Variants in DHRS12 observed in about 807,000 individuals in gnomAD.
DHRS12 encodes the protein dehydrogenase/reductase 12, also known as dehydrogenase/reductase SDR family member 12.
DHRS12 carries 29 observed loss-of-function variants against 32.1 expected under a neutral mutation model. That is an observed-to-expected ratio of 0.90 (90% confidence interval 0.67 to 1.23). The LOEUF is 1.23. Ranked by LOEUF, DHRS12 falls within the 50% of genes most tolerant of loss-of-function variation. DHRS12 has a pLI of 0.00. For synonymous variants in DHRS12, 150 were observed against 135.9 expected, an observed-to-expected ratio of 1.10 and a Z score of -0.72; for missense variants, 330 against 337.2, an observed-to-expected ratio of 0.98 and a Z score of 0.17.
chr13:51,770,704 C>T (rs1953969065), intron 7 of DHRS12: 15 of 974,932 alleles, frequency 1.5e-5, no homozygotes, highest in Non-Finnish European at 1.7e-5. Context: ...CCATGAGATG[C>T]CACAAAGCAC....
At chr13:51,769,392 T>C (rs1317177956) in intron 7 of DHRS12, 99 bp from the exon 8 acceptor site, 1 of 1,001,822 alleles carries the variant, frequency 1.0e-6, no homozygotes, top group East Asian at 2.9e-5. Flanking sequence ...AAAAATGAAA[T>C]GGGATCATAA....
chr13:51,775,840 CTACAG>C (rs1341839194), intron 5 of DHRS12: 1 of 80,250 alleles, frequency 1.2e-5, no homozygotes, highest in African/African-American at 7.5e-5. Context: ...ATGTATTCTC[CTACAG>C]TATTCTCCTA....
At chr13:51,758,354 C>T in the DHRS12 span, 4 of 1,335,934 alleles carry the variant, frequency 3.0e-6, no homozygotes, top group Non-Finnish European at 3.2e-6. Flanking sequence ...TATAAATATA[C>T]AGGAGCACCA....
At chr13:51,783,030 G>A (rs546789861) in intron 4 of DHRS12, among the ~76,000 whole-genome samples, 69 of 152,180 alleles carry the variant, frequency 4.5e-4, no homozygotes, top group Middle Eastern at 3.4e-3. Context: ...GAGCGGCCCA[G>A]AGCGGGGTGC....
chr13:51,785,586 G>A (rs148332044), intron 4 of DHRS12, among the ~76,000 whole-genome samples: 1 of 152,190 alleles, frequency 6.6e-6, no homozygotes, highest in Non-Finnish European at 1.5e-5. Context: ...CTCTGCCATT[G>A]CCCTGAGAAT....
At chr13:51,768,990 C>A in intron 8 of DHRS12, 166 bp downstream of exon 8, 1 of 1,419,660 alleles carries the variant, frequency 7.0e-7, no homozygotes, top group South Asian at 1.5e-5. Flanking sequence ...AAGCGCTTCC[C>A]AAAACTAACC....
rs554386835 is a variant in DHRS12, at chr13:51,801,901, C to T, written c.-9+2153G>A. Among the ~76,000 whole-genome samples the T allele has an allele frequency of 5.9e-5, 9 of 152,280 alleles. No homozygotes were observed. In the South Asian group the frequency reaches 1.0e-3, roughly 18 times the overall value. Reference sequence around the variant, plus strand: ...GCTCCACACTGATCCGTATTAGAGACGAATGTTTGCTGAGGCTGGCTCCTC... The same window carrying T: ...GCTCCACACTGATCCGTATTAGAGATGAATGTTTGCTGAGGCTGGCTCCTC... On this transcript the variant is annotated intron_variant, in intron 1 of 8. Transcript: ENST00000444610.
chr13:51,797,100 C>G (rs763642727), intron 2 of DHRS12, among the ~76,000 whole-genome samples: 1 of 152,022 alleles, frequency 6.6e-6, no homozygotes, highest in Admixed American at 6.6e-5. Context: ...TGACAGTGAG[C>G]GAGCAGCCAT....
At chr13:51,773,404 C>T (rs1321700906) in intron 6 of DHRS12, among the ~76,000 whole-genome samples, 1 of 152,144 alleles carries the variant, frequency 6.6e-6, no homozygotes, top group Admixed American at 6.5e-5. Flanking sequence ...CTTGTGACAT[C>T]GTCAGCACTC....
chr13:51,759,391 C>T, the DHRS12 span, among the ~76,000 whole-genome samples: 1 of 152,160 alleles, frequency 6.6e-6, no homozygotes, highest in Non-Finnish European at 1.5e-5. Flanking sequence ...GTTGGCTCAT[C>T]GAATGCTGCC....
chr13:51,773,552 G>A (rs1343421675), intron 6 of DHRS12, among the ~76,000 whole-genome samples: 2 of 152,108 alleles, frequency 1.3e-5, no homozygotes, highest in Non-Finnish European at 2.9e-5. Flanking sequence ...AATTCAATGT[G>A]CCGCCCCTCC....
chr13:51,800,189 T>C (rs1464999421), intron 1 of DHRS12, among the ~76,000 whole-genome samples: 2 of 152,196 alleles, frequency 1.3e-5, no homozygotes, highest in South Asian at 2.1e-4. Context: ...ACACAAGGTG[T>C]GCACTGCACA....
At chr13:51,768,931 T>C in intron 8 of DHRS12, 4 of 1,397,556 alleles carry the variant, frequency 2.9e-6, no homozygotes, top group Non-Finnish European at 3.7e-6. Flanking sequence ...CACAGGACCT[T>C]GATGACAGGG....
chr13:51,776,283 C>A (rs1049477846), intron 5 of DHRS12: 10 of 152,184 alleles, frequency 6.6e-5, no homozygotes, highest in African/African-American at 2.2e-4. Flanking sequence ...GGAGCTGCGT[C>A]CCCTCTGCCG....
chr13:51,780,195 A>G (rs1954636827), intron 4 of DHRS12, among the ~76,000 whole-genome samples: 1 of 151,980 alleles, frequency 6.6e-6, no homozygotes, highest in Non-Finnish European at 1.5e-5. Flanking sequence ...ATAAATAAAT[A>G]AATAAATAAA....
intron 2 of DHRS12, among the ~76,000 whole-genome samples, chr13:51,793,780 C>T (rs1955389014): frequency 6.6e-6 from 1 of 152,204 alleles, no homozygotes; most frequent in African/African-American, 2.4e-5. Flanking sequence ...TGTCTGCCAC[C>T]ACCCTAAAAC....
downstream of DHRS12, chr13:51,763,491 T>C (rs1425390798): frequency 6.6e-6 from 1 of 152,232 alleles, no homozygotes; most frequent in African/African-American, 2.4e-5. Flanking sequence ...ATTTTCATTT[T>C]CTGAGATTCA....
Position 51,768,155 on chromosome 13 carries a change from C to T in DHRS12, c.*32G>A. On this transcript the variant is annotated 3_prime_UTR_variant, in exon 9 of 9. Transcript: ENST00000444610. ...CCGCACCTTCTGGTATCTTCTAAGG[C>T]AATTCTGGTACCGCACTGTGTCTGG... The T allele has an allele frequency of 7.2e-6, 11 of 1,535,940 alleles. No individual in the cohort carries two copies. Among genetic ancestry groups the T allele is most frequent in the Non-Finnish European group, 9.6e-6 (11 of 1,146,788 alleles).
At chr13:51,759,936 G>A in the DHRS12 span, 2 of 622,124 alleles carry the variant, frequency 3.2e-6, no homozygotes, top group South Asian at 4.8e-5. Flanking sequence ...TGGCCAGTGA[G>A]CACTCGCAAG....
Sources: gnomAD v4.1 joint callset for allele counts (sites outside exome capture counted in the v4.1 genomes callset) on GRCh38, gnomAD v4.1.1 for gene constraint, MANE v1.5 for transcripts, NCBI Gene and HGNC (gene_info 2026-07-23, HGNC 2026-07-21) for gene names.